OR9Q1: variants seen among roughly 807,000 people sequenced by gnomAD.
OR9Q1 encodes the protein olfactory receptor 9Q1.
For missense variants in OR9Q1, 374 were observed against 378.8 expected (o/e 0.99, Z 0.11); for synonymous variants, 153 against 148.6 (o/e 1.03, Z -0.22).
intron 2 of OR9Q1, among the ~76,000 whole-genome samples, chr11:58,056,397 A>G (rs1853328635): frequency 6.6e-6 from 1 of 152,178 alleles, no homozygotes; most frequent in African/African-American, 2.4e-5. Flanking sequence ...AGGTAGGCAA[A>G]CTACTGCCTG....
chr11:58,082,963 A>C, intron 2 of OR9Q1, among the ~76,000 whole-genome samples: 1 of 148,684 alleles, frequency 6.7e-6, no homozygotes, highest in East Asian at 2.1e-4. Flanking sequence ...ACCCCACAAC[A>C]GTCCCCAGAG....
chr11:58,146,465 G>A (rs1854299794), intron 2 of OR9Q1, among the ~76,000 whole-genome samples: 1 of 152,086 alleles, frequency 6.6e-6, no homozygotes, highest in Non-Finnish European at 1.5e-5. Context: ...AATATTTTAA[G>A]TATGTATTAT....
intron 1 of OR9Q1, among the ~76,000 whole-genome samples, chr11:58,042,707 A>C (rs1321360970): frequency 6.6e-6 from 1 of 151,994 alleles, no homozygotes; most frequent in African/African-American, 2.4e-5. Flanking sequence ...CTTGATGGGG[A>C]TGGCATTGAA....
At chr11:58,141,965 G>A (rs995060843) in intron 2 of OR9Q1, among the ~76,000 whole-genome samples, 2 of 152,142 alleles carry the variant, frequency 1.3e-5, no homozygotes, top group African/African-American at 2.4e-5. Context: ...ACCTCCATAT[G>A]TTTTGTAATC....
intron 1 of OR9Q1, chr11:58,045,379 C>A (rs950717306): frequency 1.3e-5 from 2 of 152,266 alleles, no homozygotes; most frequent in East Asian, 3.9e-4. Flanking sequence ...ATTACAGATG[C>A]GTGCCACTAC....
chr11:58,154,442 C>T (rs1015669141), intron 2 of OR9Q1, among the ~76,000 whole-genome samples: 11 of 146,108 alleles, frequency 7.5e-5, no homozygotes, highest in Non-Finnish European at 1.5e-4. Flanking sequence ...GGAATTGTTA[C>T]TGTTTCCCAA....
At chr11:58,048,717 AAAG>A (rs1301529970) in intron 1 of OR9Q1, among the ~76,000 whole-genome samples, 7 of 144,784 alleles carry the variant, frequency 4.8e-5, no homozygotes, top group Admixed American at 1.4e-4. Context: ...ACTAATAAAA[AAAG>A]AGAGAAGAAT....
At chr11:58,158,145 A>C (rs143383219) in intron 2 of OR9Q1, among the ~76,000 whole-genome samples, 1 of 152,168 alleles carries the variant, frequency 6.6e-6, no homozygotes, top group East Asian at 1.9e-4. Context: ...TCAGGGTCCA[A>C]CTCAGCTCTG....
chr11:58,093,371 A>T (rs908736353), intron 2 of OR9Q1, among the ~76,000 whole-genome samples: 6 of 152,200 alleles, frequency 3.9e-5, no homozygotes, highest in African/African-American at 1.2e-4. Flanking sequence ...GCCTGAACAG[A>T]CATTTTTCAA....
At chr11:58,080,538 C>A (rs1166968918) in intron 2 of OR9Q1, among the ~76,000 whole-genome samples, 1 of 152,122 alleles carries the variant, frequency 6.6e-6, no homozygotes, top group Non-Finnish European at 1.5e-5. Flanking sequence ...AATGGTAGTT[C>A]TATTTTTAGT....
chr11:58,083,205 T>A lies in OR9Q1; in HGVS notation c.-15+27258T>A, dbSNP rs1853605610. Among the ~76,000 whole-genome samples the A allele has an allele frequency of 2.0e-5, 3 of 152,220 alleles. No homozygotes were observed. The South Asian group carries it at 6.2e-4, about 32-fold the overall frequency. ...TTTTGTATATGGTGTAAGGAAGGGA[T>A]CCAGTTTCAGTTTTCTGCATATGGC... On this transcript the variant is annotated intron_variant, in intron 2 of 2. Coordinates refer to ENST00000335397, the MANE Select transcript of OR9Q1 (RefSeq NM_001005212.4).
At position 58,109,960 on chromosome 11, in the gene OR9Q1, C is replaced by T. The variant is rs375955097; in HGVS notation, c.-15+54013C>T. Among the ~76,000 whole-genome samples, 13 of 152,228 alleles carry T rather than the reference C, an allele frequency of 8.5e-5. No homozygotes were observed. In the East Asian group the frequency reaches 1.9e-3, roughly 23 times the overall value. On this transcript the variant is annotated intron_variant, in intron 2 of 2. Transcript: ENST00000335397. ...TTAGACCATCAAGACTGGAAGGGAC[C>T]AATATGGGGTCCCTCTGTGCTAGAA...
intron 2 of OR9Q1, chr11:58,109,252 G>A (rs769666680): frequency 4.3e-5 from 20 of 463,218 alleles, no homozygotes; most frequent in South Asian, 2.3e-4. Flanking sequence ...GGTACCTGGA[G>A]TCATGGTCAT....
intron 2 of OR9Q1, among the ~76,000 whole-genome samples, chr11:58,122,021 C>T (rs1002756141): frequency 1.3e-5 from 2 of 152,102 alleles, no homozygotes; most frequent in African/African-American, 4.8e-5. Context: ...CATGGGATCC[C>T]TTTTTTTACT....
chr11:58,062,654 C>G (rs1422298730), intron 2 of OR9Q1, among the ~76,000 whole-genome samples: 1 of 152,144 alleles, frequency 6.6e-6, no homozygotes, highest in African/African-American at 2.4e-5. Context: ...AATGAGAACT[C>G]AAAGCAGCCT....
At chr11:58,084,456 C>A (rs938884922) in intron 2 of OR9Q1, among the ~76,000 whole-genome samples, 1 of 151,740 alleles carries the variant, frequency 6.6e-6, no homozygotes, top group Non-Finnish European at 1.5e-5. Flanking sequence ...CTGGCATCAG[C>A]CTAATATCAA....
In OR9Q1 at chr11:58,070,150, C is replaced by T. The variant is rs1376499697; in HGVS notation, c.-15+14203C>T. Among the ~76,000 whole-genome samples, 6 of 151,256 alleles carry T rather than the reference C, an allele frequency of 4.0e-5. No individual in the cohort carries two copies. In the South Asian group the frequency reaches 6.3e-4, roughly 16 times the overall value. On this transcript the variant is annotated intron_variant, in intron 2 of 2. Transcript: ENST00000335397. ...CCGAGTAGCTGGGACTACAGGTGTA[C>T]GCCACCATGCCTGCATAATTTTTGT... is the stretch of plus-strand genomic sequence containing the variant.
chr11:58,126,749 G>T, intron 2 of OR9Q1, among the ~76,000 whole-genome samples: 1 of 152,090 alleles, frequency 6.6e-6, no homozygotes, highest in Non-Finnish European at 1.5e-5. Flanking sequence ...TCCTGGAATG[G>T]TATAGAAGGT....
chr11:58,031,030 C>T lies in OR9Q1; in HGVS notation c.-93+6926C>T, dbSNP rs751382490. 7 of 1,613,864 alleles carry T rather than the reference C, an allele frequency of 4.3e-6. No homozygotes were observed. In the East Asian group the frequency reaches 1.3e-4, roughly 31 times the overall value. ...GCTTTGCTGGCATCCATGAAGCACA[C>T]CTCCTCTTCTTCATACTCTTCCTCA... On this transcript the variant is annotated intron_variant, in intron 1 of 2. Coordinates refer to ENST00000335397, the MANE Select transcript of OR9Q1 (RefSeq NM_001005212.4).
Sources: gnomAD v4.1 joint callset for allele counts (sites outside exome capture counted in the v4.1 genomes callset) on GRCh38, gnomAD v4.1.1 for gene constraint, MANE v1.5 for transcripts, NCBI Gene and HGNC (gene_info 2026-07-23, HGNC 2026-07-21) for gene names.